The following TSHZ3 variants were observed in gnomAD, a reference collection of about 807,000 sequenced individuals.
TSHZ3 encodes the protein teashirt homolog 3.
Under a neutral mutation model 64.5 loss-of-function variants are expected in TSHZ3, and 10 were observed. The observed-to-expected ratio is 0.16, with a 90% CI of 0.10 to 0.26. The LOEUF (loss-of-function observed/expected upper bound fraction) is 0.26, where lower values mean the gene tolerates loss of function less well. TSHZ3 is among the 10% of genes least tolerant of loss of function. TSHZ3 has a pLI of 1.00. For synonymous variants in TSHZ3, 608 were observed against 593.1 expected, an observed-to-expected ratio of 1.03 and a Z score of -0.36; for missense variants, 1,242 against 1,421.7, an observed-to-expected ratio of 0.87 and a Z score of 2.03.
chr19:31,338,756 C>A (rs1366678368), intron 1 of TSHZ3, among the ~76,000 whole-genome samples: 1 of 151,994 alleles, frequency 6.6e-6, no homozygotes, highest in African/African-American at 2.4e-5. Flanking sequence ...ATCACAGATA[C>A]TTCATTTTTC....
At chr19:31,179,737 G>GTGGTGGTGA (rs372201289) in intron 5 of TSHZ3, among the ~76,000 whole-genome samples, 4 of 150,276 alleles carry the variant, frequency 2.7e-5, no homozygotes, top group East Asian at 2.0e-4. Context: ...GTAGGTGGTG[G>GTGGTGGTGA]TGGTGGTGGT....
chr19:31,263,500 C>G (rs1976009543), intron 1 of TSHZ3, among the ~76,000 whole-genome samples: 1 of 152,210 alleles, frequency 6.6e-6, no homozygotes, highest in African/African-American at 2.4e-5. Flanking sequence ...CTGCCTTCTC[C>G]CCAGCTGGAG....
At chr19:31,150,571 C>T (rs1974225516) in exon 7 of TSHZ3, among the ~76,000 whole-genome samples, 2 of 152,132 alleles carry the variant, frequency 1.3e-5, no homozygotes, top group Admixed American at 6.5e-5. Flanking sequence ...AGTGGAGTCC[C>T]TTGCAAGGGA....
intron 3 of TSHZ3, among the ~76,000 whole-genome samples, chr19:31,239,919 A>T (rs764379156): frequency 6.6e-6 from 1 of 152,128 alleles, no homozygotes; most frequent in Admixed American, 6.5e-5. Flanking sequence ...GTCAACAGTA[A>T]GTTATTTTTA....
intron 3 of TSHZ3, among the ~76,000 whole-genome samples, chr19:31,231,554 T>G (rs969417504): frequency 6.6e-6 from 1 of 152,242 alleles, no homozygotes; most frequent in Non-Finnish European, 1.5e-5. Context: ...ATGATGTTTT[T>G]TCTCCTGATT....
chr19:31,191,774 G>T (rs1974912168), intron 5 of TSHZ3, among the ~76,000 whole-genome samples: 1 of 152,064 alleles, frequency 6.6e-6, no homozygotes, highest in East Asian at 1.9e-4. Flanking sequence ...TGGGAGGATT[G>T]CTTGAGCCCA....
intron 1 of TSHZ3, among the ~76,000 whole-genome samples, chr19:31,247,188 G>T (rs1975767262): frequency 2.0e-5 from 3 of 152,108 alleles, no homozygotes; most frequent in Non-Finnish European, 4.4e-5. Flanking sequence ...CTACTGAAGG[G>T]ATGTTTGAGG....
intron 1 of TSHZ3, among the ~76,000 whole-genome samples, chr19:31,340,574 T>C (rs1237896280): frequency 6.6e-6 from 1 of 152,060 alleles, no homozygotes; most frequent in Non-Finnish European, 1.5e-5. Context: ...TGAGAAAGCC[T>C]TGGCGGTGAG....
chr19:31,232,887 C>A (rs1235430047), intron 3 of TSHZ3, among the ~76,000 whole-genome samples: 1 of 152,220 alleles, frequency 6.6e-6, no homozygotes, highest in Non-Finnish European at 1.5e-5. Flanking sequence ...CATCCATGCA[C>A]GTATCCAGCA....
chr19:31,157,590 G>C lies in TSHZ3; in HGVS notation n.810-1173C>G, dbSNP rs529736309. On this transcript the variant is annotated intron_variant and non_coding_transcript_variant, in intron 5 of 6. Coordinates refer to the TSHZ3 transcript ENST00000651361. ...AATACAAAAAAATGTTGAAGGAAAA[G>C]GGTAGATTATAACATAAAATGCCAT... 2.0e-5 allele frequency among the ~76,000 whole-genome samples: 3 copies of C among 152,220 alleles called. 1 individual carries two copies. Among genetic ancestry groups the C allele is most frequent in the Non-Finnish European group, 4.4e-5 (3 of 68,018 alleles).
intron 1 of TSHZ3, among the ~76,000 whole-genome samples, chr19:31,286,735 C>G (rs982719146): frequency 1.3e-5 from 2 of 152,152 alleles, no homozygotes; most frequent in African/African-American, 4.8e-5. Context: ...TGGGCAGCCA[C>G]GCAGAACCTT....
intron 1 of TSHZ3, among the ~76,000 whole-genome samples, chr19:31,254,746 A>G (rs1975886494): frequency 1.3e-5 from 2 of 152,190 alleles, no homozygotes; most frequent in African/African-American, 4.8e-5. Context: ...CTGCTCTGTG[A>G]AACTGCAGTC....
rs540469990 is a variant in TSHZ3 at position 31,308,027 on chromosome 19, G to A, written c.41-28275C>T. 9.0e-4 allele frequency among the ~76,000 whole-genome samples: 137 copies of A among 152,306 alleles called. 1 individual carries two copies. Among genetic ancestry groups the A allele is most frequent in the African/African-American group, 2.9e-3 (120 of 41,554 alleles). ...ATGATAATGCAGTGTCTGTCATCGG[G>A]AGCCCAGCAAATTGCTAGCTCTCAC... On this transcript the variant is annotated intron_variant, in intron 1 of 1. Coordinates refer to ENST00000240587, the MANE Select transcript of TSHZ3 (RefSeq NM_020856.4).
At chr19:31,349,541 T>C (rs1480545532), upstream of TSHZ3, 1 of 249,260 alleles carries the variant, frequency 4.0e-6, no homozygotes, top group African/African-American at 2.6e-5. Flanking sequence ...GCCGGCGGAA[T>C]GGGAAGTTTG....
chr19:31,204,214 C>A (rs1975129476), intron 5 of TSHZ3, among the ~76,000 whole-genome samples: 1 of 151,476 alleles, frequency 6.6e-6, no homozygotes, highest in Non-Finnish European at 1.5e-5. Context: ...CATATCATCT[C>A]CCTTTCTTCC....
At chr19:31,334,791 C>T (rs1917195707) in intron 1 of TSHZ3, among the ~76,000 whole-genome samples, 1 of 152,178 alleles carries the variant, frequency 6.6e-6, no homozygotes, top group African/African-American at 2.4e-5. Context: ...CCCCTTGAGA[C>T]ATAAGAGACC....
At chr19:31,260,618 G>A (rs1975972357) in intron 1 of TSHZ3, among the ~76,000 whole-genome samples, 1 of 152,216 alleles carries the variant, frequency 6.6e-6, no homozygotes, top group Non-Finnish European at 1.5e-5. Flanking sequence ...GCTCCTTAGT[G>A]AGAGAAAACG....
intron 5 of TSHZ3, among the ~76,000 whole-genome samples, chr19:31,166,385 C>T (rs766592746): frequency 6.6e-6 from 1 of 152,144 alleles, no homozygotes; most frequent in Admixed American, 6.5e-5. Context: ...GGGCAGGGAG[C>T]CTGGAGAAAG....
At chr19:31,157,950 G>A (rs766972302) in intron 5 of TSHZ3, among the ~76,000 whole-genome samples, 1 of 152,162 alleles carries the variant, frequency 6.6e-6, no homozygotes, top group Non-Finnish European at 1.5e-5. Flanking sequence ...TCACTCTCGT[G>A]GTACAATGAA....
Sources: gnomAD v4.1 joint callset for allele counts (sites outside exome capture counted in the v4.1 genomes callset) on GRCh38, gnomAD v4.1.1 for gene constraint, MANE v1.5 for transcripts, NCBI Gene and HGNC (gene_info 2026-07-23, HGNC 2026-07-21) for gene names.